Variants in PCDH11X observed in about 807,000 individuals in gnomAD.
PCDH11X encodes the protein protocadherin-11 X-linked.
PCDH11X carries 18 observed loss-of-function variants against 53.3 expected under a neutral mutation model. That is an observed-to-expected ratio of 0.34 (90% CI 0.23 to 0.50). The LOEUF (loss-of-function observed/expected upper bound fraction) is 0.50, where lower values mean the gene tolerates loss of function less well. PCDH11X is among the 20% of genes least tolerant of loss of function. The probability of loss-of-function intolerance (pLI) is 0.98; values close to 1 mark genes in which losing one functional copy is unlikely to be tolerated. For missense variants in PCDH11X, 570 were observed against 1,032.4 expected (o/e 0.55, Z 6.14); for synonymous variants, 279 against 393.3 (o/e 0.71, Z 3.44).
At chrX:92,064,838 A>G (rs1419322538) in intron 6 of PCDH11X, among the ~76,000 whole-genome samples, 3 of 103,423 alleles carry the variant, frequency 2.9e-5, no homozygotes, top group African/African-American at 7.7e-5. Flanking sequence ...ACAGAACACT[A>G]TGCTTGCTGG....
intron 8 of PCDH11X, among the ~76,000 whole-genome samples, chrX:92,280,043 G>T (rs887071062): frequency 1.8e-5 from 2 of 112,036 alleles, no homozygotes; most frequent in African/African-American, 6.5e-5. Context: ...ATTATGTGCA[G>T]TATTCAGTAC....
intron 6 of PCDH11X, among the ~76,000 whole-genome samples, chrX:91,917,560 C>G (rs73242596): frequency 0.031 from 670 of 21,686 alleles, 7 homozygotes; most frequent in Non-Finnish European, 0.041. Context: ...ATCTTTTTTA[C>G]AGCAGCTGCA....
At chrX:92,384,097 T>C (rs935749419) in intron 8 of PCDH11X, among the ~76,000 whole-genome samples, 1 of 112,244 alleles carries the variant, frequency 8.9e-6, no homozygotes, top group Non-Finnish European at 1.9e-5. Flanking sequence ...CTTCTTTTCA[T>C]GTTTGCTGGC....
chrX:92,329,190 A>G (rs1425525227), intron 8 of PCDH11X, among the ~76,000 whole-genome samples: 1 of 111,713 alleles, frequency 9.0e-6, no homozygotes, highest in Non-Finnish European at 1.9e-5. Flanking sequence ...AAAATCATAT[A>G]AGTATCTCAA....
chrX:92,574,850 A>G (rs1166082515), intron 10 of PCDH11X, among the ~76,000 whole-genome samples: 1 of 110,860 alleles, frequency 9.0e-6, no homozygotes, highest in Non-Finnish European at 1.9e-5. Flanking sequence ...AGATTACAAA[A>G]AATACTGTGT....
intron 7 of PCDH11X, among the ~76,000 whole-genome samples, chrX:92,202,338 C>T (rs1467731536): frequency 9.0e-6 from 1 of 111,462 alleles, no homozygotes; most frequent in African/African-American, 3.3e-5. Context: ...TTGCCTCTTA[C>T]TGTACATGTT....
chrX:92,130,446 T>C (rs1310439452), intron 6 of PCDH11X, among the ~76,000 whole-genome samples: 2 of 110,305 alleles, frequency 1.8e-5, no homozygotes, highest in Non-Finnish European at 3.8e-5. Context: ...GGTCAGGAGT[T>C]CGAGACCAGC....
intron 7 of PCDH11X, among the ~76,000 whole-genome samples, chrX:92,235,260 C>T: frequency 9.0e-6 from 1 of 110,909 alleles, no homozygotes; most frequent in East Asian, 2.8e-4. Context: ...AAAAGTAGCC[C>T]TGAGATTCCC....
At chrX:92,347,819 G>T (rs2069939393) in intron 8 of PCDH11X, among the ~76,000 whole-genome samples, 1 of 111,927 alleles carries the variant, frequency 8.9e-6, no homozygotes, top group African/African-American at 3.2e-5. Flanking sequence ...CACAGAAATA[G>T]TTGGGTCTTC....
At chrX:92,606,085 G>A (rs2148812588) in intron 10 of PCDH11X, among the ~76,000 whole-genome samples, 1 of 107,994 alleles carries the variant, frequency 9.3e-6, no homozygotes, top group African/African-American at 3.4e-5. Flanking sequence ...TACAAAATTA[G>A]CTGGGTGTAG....
chrX:91,881,594 G>C (rs2064001105), intron 6 of PCDH11X, among the ~76,000 whole-genome samples: 1 of 111,456 alleles, frequency 9.0e-6, no homozygotes, highest in African/African-American at 3.2e-5. Context: ...TGCTACATTT[G>C]CAATGTTCTT....
rs74418509 is a variant in PCDH11X, at chrX:92,361,066, C to A, written c.3145-26669C>A. On this transcript the variant is annotated intron_variant, in intron 8 of 10. Coordinates refer to ENST00000682573, the MANE Select transcript of PCDH11X (RefSeq NM_032968.5). Reference sequence around the variant, plus strand: ...TCTTAGTCCCATGTTACGTCACTCACAATTTGCCAGGTATTATCTCAATTA... The same window carrying A: ...TCTTAGTCCCATGTTACGTCACTCAAAATTTGCCAGGTATTATCTCAATTA... Among the ~76,000 whole-genome samples the A allele has an allele frequency of 2.8e-3, 314 of 110,408 alleles. 6 individuals are homozygous for A. The East Asian group carries it at 0.055, about 19-fold the overall frequency.
chrX:91,872,704 A>G (rs1233100259), intron 5 of PCDH11X, among the ~76,000 whole-genome samples: 1 of 104,592 alleles, frequency 9.6e-6, no homozygotes, highest in Non-Finnish European at 2.0e-5. Context: ...TTTTTTGTAT[A>G]TAAGGATGTG....
intron 6 of PCDH11X, among the ~76,000 whole-genome samples, chrX:91,958,728 T>C (rs113078582): frequency 0.065 from 7,154 of 110,442 alleles, 246 homozygotes; most frequent in African/African-American, 0.1. Context: ...TCCCTCACCC[T>C]TTCTTGTTCC....
intron 6 of PCDH11X, among the ~76,000 whole-genome samples, chrX:91,919,091 C>T (rs908092809): frequency 6.3e-5 from 7 of 111,912 alleles, no homozygotes; most frequent in African/African-American, 1.9e-4. Context: ...TAATTCTGCA[C>T]TGCTCAGGTG....
At chrX:92,175,268 C>T in intron 6 of PCDH11X, among the ~76,000 whole-genome samples, 1 of 111,835 alleles carries the variant, frequency 8.9e-6, no homozygotes, top group Non-Finnish European at 1.9e-5. Flanking sequence ...TGAGCCATCG[C>T]ACCCAGCCGT....
At chrX:92,420,602 T>C (rs912137889) in intron 9 of PCDH11X, 1 of 302,382 alleles carries the variant, frequency 3.3e-6, no homozygotes, top group African/African-American at 2.8e-5. Flanking sequence ...TTGCTTTCTT[T>C]CATCATTTTA....
intron 6 of PCDH11X, among the ~76,000 whole-genome samples, chrX:92,110,603 G>C (rs778510409): frequency 2.4e-4 from 27 of 111,525 alleles, no homozygotes; most frequent in Admixed American, 2.4e-3. Flanking sequence ...AAATGGGGAA[G>C]GGGAACAATC....
At chrX:92,388,513 T>C (rs1222749429) in intron 9 of PCDH11X, among the ~76,000 whole-genome samples, 1 of 105,722 alleles carries the variant, frequency 9.5e-6, no homozygotes, top group Non-Finnish European at 1.9e-5. Context: ...CCAAAGATGT[T>C]GAACTCTTTA....
Sources: gnomAD v4.1 joint callset for allele counts (sites outside exome capture counted in the v4.1 genomes callset) on GRCh38, gnomAD v4.1.1 for gene constraint, MANE v1.5 for transcripts, NCBI Gene and HGNC (gene_info 2026-07-23, HGNC 2026-07-21) for gene names.